The following FRMPD4 variants were observed in gnomAD, a reference collection of about 807,000 sequenced individuals.
The protein encoded by FRMPD4 is FERM and PDZ domain-containing protein 4.
In FRMPD4, 22 loss-of-function variants were observed where a neutral mutation model predicts 94.1. The observed-to-expected ratio is 0.23, with a 90% CI of 0.17 to 0.33. The LOEUF is 0.33. FRMPD4 is among the 10% of genes least tolerant of loss of function. The pLI is 1.00. For synonymous variants in FRMPD4, 631 were observed against 548.6 expected, an observed-to-expected ratio of 1.15 and a Z score of -2.10; for missense variants, 1,111 against 1,339.9, an observed-to-expected ratio of 0.83 and a Z score of 2.67.
intron 1 of FRMPD4, among the ~76,000 whole-genome samples, chrX:11,862,048 G>T (rs935210382): frequency 9.1e-6 from 1 of 110,357 alleles, no homozygotes; most frequent in East Asian, 2.9e-4. Context: ...ACTTTTAAAT[G>T]ACCAGATCTC....
chrX:11,827,086 A>ATATATATATAT (rs57765123), intron 1 of FRMPD4, among the ~76,000 whole-genome samples: 1 of 84,598 alleles, frequency 1.2e-5, no homozygotes. Context: ...ATATATATAT[A>ATATATATATAT]AAATATATAT....
intron 1 of FRMPD4, among the ~76,000 whole-genome samples, chrX:12,332,205 TATAGAGAGAGAGAGAGAG>T (rs1314745186): frequency 1.5e-5 from 1 of 66,027 alleles, no homozygotes; most frequent in African/African-American, 8.5e-5. Flanking sequence ...TATATATATA[TATAGAGAGAGAGAGAGAG>T]AGAGAGAGAG....
chrX:12,716,913 A>G lies in FRMPD4; in HGVS notation c.2454A>G (p.Ser818=). 2 of 1,211,003 alleles carry G rather than the reference A, an allele frequency of 1.7e-6. No homozygotes were observed. Among genetic ancestry groups the G allele is most frequent in the Non-Finnish European group, 1.1e-6 (1 of 894,568 alleles). The part of the protein sequence containing the change: ...AAPPPGFRDS[S]DEEDSQSQAA... ...CCCCACCTGGCTTTAGAGACAGTTC[A>G]GATGAAGAGGACTCTCAGAGCCAGG... is the stretch of plus-strand genomic sequence containing the variant. Residue 818 remains serine, a synonymous_variant, in exon 15 of 17, where the codon TCA becomes TCG. Coordinates refer to ENST00000675598, the MANE Select transcript of FRMPD4 (RefSeq NM_001368397.1).
intron 1 of FRMPD4, among the ~76,000 whole-genome samples, chrX:12,316,876 T>A (rs1002843660): frequency 1.8e-5 from 2 of 111,796 alleles, no homozygotes; most frequent in African/African-American, 6.5e-5. Flanking sequence ...TCACACTTTC[T>A]GGTTTAGAAG....
chrX:12,311,556 A>T (rs902136869), intron 1 of FRMPD4, among the ~76,000 whole-genome samples: 2 of 110,772 alleles, frequency 1.8e-5, no homozygotes, highest in African/African-American at 6.6e-5. Context: ...AACCTGGTTT[A>T]TATATATGCT....
intron 1 of FRMPD4, among the ~76,000 whole-genome samples, chrX:12,427,895 C>CTTTTT (rs1569272212): frequency 4.3e-4 from 26 of 60,787 alleles, no homozygotes; most frequent in Non-Finnish European, 5.3e-4. Context: ...TTCCTTTTTT[C>CTTTTT]TCTTTTTTTT....
intron 1 of FRMPD4, among the ~76,000 whole-genome samples, chrX:11,834,276 C>CA (rs1454394677): frequency 2.7e-5 from 3 of 111,705 alleles, no homozygotes; most frequent in Non-Finnish European, 5.7e-5. Flanking sequence ...CAGTTCATTT[C>CA]GGGGGGCTGA....
intron 2 of FRMPD4, among the ~76,000 whole-genome samples, chrX:12,605,016 T>C (rs777642800): frequency 4.5e-5 from 5 of 112,299 alleles, no homozygotes; most frequent in Non-Finnish European, 9.4e-5. Context: ...TTATGATCAT[T>C]GTCACCATTT....
intron 1 of FRMPD4, among the ~76,000 whole-genome samples, chrX:12,376,756 A>G (rs1490676668): frequency 8.9e-6 from 1 of 112,807 alleles, no homozygotes; most frequent in East Asian, 2.8e-4. Flanking sequence ...ATTAGAATTT[A>G]CCAATTATTA....
chrX:11,967,110 T>A (rs976625418), intron 3 of FRMPD4, among the ~76,000 whole-genome samples: 3 of 112,212 alleles, frequency 2.7e-5, no homozygotes, highest in Non-Finnish European at 3.8e-5. Context: ...TGTGCAAGAC[T>A]ATTTTTATAT....
At chrX:12,643,877 G>A (rs1247358444) in intron 4 of FRMPD4, among the ~76,000 whole-genome samples, 1 of 111,958 alleles carries the variant, frequency 8.9e-6, no homozygotes, top group African/African-American at 3.2e-5. Context: ...ATCATCACAT[G>A]AGTTTACTGT....
At chrX:11,897,521 A>G (rs765551327) in intron 3 of FRMPD4, among the ~76,000 whole-genome samples, 6 of 112,266 alleles carry the variant, frequency 5.3e-5, no homozygotes, top group East Asian at 5.6e-4. Context: ...CCCTCATTGT[A>G]TTATTCTCTA....
At chrX:11,962,993 C>T (rs2054291405) in intron 3 of FRMPD4, among the ~76,000 whole-genome samples, 1 of 111,971 alleles carries the variant, frequency 8.9e-6, no homozygotes, top group Admixed American at 9.5e-5. Context: ...CTACTAACCC[C>T]TCATCACCAC....
chrX:11,854,220 C>A (rs896238884), intron 1 of FRMPD4, among the ~76,000 whole-genome samples: 19 of 110,964 alleles, frequency 1.7e-4, no homozygotes, highest in African/African-American at 5.9e-4. Context: ...AGGAACTGCC[C>A]CCATGATTCA....
At chrX:12,712,912 C>T (rs894797529) in intron 14 of FRMPD4, among the ~76,000 whole-genome samples, 2 of 108,853 alleles carry the variant, frequency 1.8e-5, no homozygotes, top group African/African-American at 3.4e-5. Flanking sequence ...ACTGTATCCA[C>T]GAAAAAAATT....
chrX:12,209,963 A>G (rs2056736393), intron 1 of FRMPD4, among the ~76,000 whole-genome samples: 1 of 111,762 alleles, frequency 8.9e-6, no homozygotes, highest in South Asian at 3.8e-4. Flanking sequence ...CTGTTGTAAA[A>G]TATGAAAGCC....
chrX:11,948,340 CT>C (rs764648788), intron 3 of FRMPD4, among the ~76,000 whole-genome samples: 5 of 110,571 alleles, frequency 4.5e-5, no homozygotes, highest in Non-Finnish European at 9.5e-5. Flanking sequence ...GATTAGTGCC[CT>C]TATATGAGGG....
chrX:12,013,378 G>A (rs758274018), intron 3 of FRMPD4, among the ~76,000 whole-genome samples: 2 of 111,811 alleles, frequency 1.8e-5, no homozygotes, highest in South Asian at 3.8e-4. Context: ...CAAAGATCTC[G>A]CCACTGTGGG....
At chrX:12,469,604 G>T (rs2057487383) in intron 1 of FRMPD4, among the ~76,000 whole-genome samples, 1 of 111,608 alleles carries the variant, frequency 9.0e-6, no homozygotes, top group African/African-American at 3.3e-5. Context: ...CAGAAAAAAT[G>T]TTATTCCCAG....
Sources: gnomAD v4.1 joint callset for allele counts (sites outside exome capture counted in the v4.1 genomes callset) on GRCh38, gnomAD v4.1.1 for gene constraint, MANE v1.5 for transcripts, NCBI Gene and HGNC (gene_info 2026-07-23, HGNC 2026-07-21) for gene names.